The following PREP variants were observed in gnomAD, a reference collection of about 807,000 sequenced individuals.
PREP encodes the protein dJ355L5.1 (prolyl endopeptidase).
In PREP, 29 loss-of-function variants were observed where a neutral mutation model predicts 87.6. That is an observed-to-expected ratio of 0.33 (90% CI 0.25 to 0.45). The LOEUF (loss-of-function observed/expected upper bound fraction) is 0.45. Among genes scored for constraint, PREP ranks in the 20% least tolerant of loss-of-function variants. PREP has a pLI of 1.00. For missense variants in PREP, 695 were observed against 886.5 expected, an observed-to-expected ratio of 0.78 and a Z score of 2.74; for synonymous variants, 337 against 328.6, an observed-to-expected ratio of 1.03 and a Z score of -0.28.
intron 1 of PREP, among the ~76,000 whole-genome samples, chr6:105,402,596 AT>A (rs1773464439): frequency 6.6e-6 from 1 of 152,100 alleles, no homozygotes; most frequent in South Asian, 2.1e-4. Flanking sequence ...GACCCCATTG[AT>A]TCTAGGAAGC....
intron 14 of PREP, 23 bp downstream of exon 14, chr6:105,281,723 T>A: frequency 1.2e-6 from 2 of 1,609,908 alleles, no homozygotes; most frequent in Middle Eastern, 1.7e-4. Flanking sequence ...ACTAACAACA[T>A]ATATATGTCA....
rs920015389 is a variant in PREP at position 105,274,304 on chromosome 6, G to A, written c.*3840C>T. Among the ~76,000 whole-genome samples, 1 of 151,616 alleles carries A rather than the reference G, an allele frequency of 6.6e-6. No homozygotes were observed. The highest frequency in any genetic ancestry group is 2.4e-5 in the African/African-American group (1 of 41,208). On this transcript the variant is annotated 3_prime_UTR_variant, in exon 15 of 15. Coordinates refer to ENST00000652536, the MANE Select transcript of PREP (RefSeq NM_002726.5). ...ATGGTGGAAGGGATGGGGCGGGGGG[G>A]TCTCTCCTTGGGCTCTAATATAAAG... is the stretch of plus-strand genomic sequence containing the variant.
intron 2 of PREP, among the ~76,000 whole-genome samples, chr6:105,397,209 A>G (rs116516183): frequency 0.015 from 2,245 of 151,406 alleles, 65 homozygotes; most frequent in African/African-American, 0.052. Flanking sequence ...AAAAGTATAC[A>G]TAAGTGACAA....
intron 9 of PREP, among the ~76,000 whole-genome samples, chr6:105,325,738 T>C (rs538024611): frequency 6.8e-4 from 103 of 152,344 alleles, no homozygotes; most frequent in African/African-American, 2.5e-3. Context: ...CCCATCTGAT[T>C]TGGCTCAGAG....
chr6:105,383,523 A>T (rs1266156519), intron 2 of PREP, among the ~76,000 whole-genome samples: 1 of 152,208 alleles, frequency 6.6e-6, no homozygotes, highest in Non-Finnish European at 1.5e-5. Context: ...CAACTTTAAC[A>T]TAAAAAACCC....
At chr6:105,370,779 T>A (rs998687979) in intron 5 of PREP, among the ~76,000 whole-genome samples, 4 of 152,170 alleles carry the variant, frequency 2.6e-5, no homozygotes, top group Non-Finnish European at 5.9e-5. Context: ...AAAGGCTACA[T>A]ACTGTCTAAT....
intron 10 of PREP, among the ~76,000 whole-genome samples, chr6:105,299,691 A>G (rs759057788): frequency 7.2e-5 from 11 of 152,174 alleles, no homozygotes; most frequent in Non-Finnish European, 1.6e-4. Context: ...TTTTCCTACT[A>G]TATCACAAAG....
At chr6:105,343,281 ATT>A (rs1771709210) in intron 7 of PREP, among the ~76,000 whole-genome samples, 2 of 152,218 alleles carry the variant, frequency 1.3e-5, no homozygotes, top group East Asian at 1.9e-4. Flanking sequence ...TGGGGAAAGG[ATT>A]CCCTATTTAA....
intron 7 of PREP, among the ~76,000 whole-genome samples, chr6:105,352,635 T>A (rs1345376967): frequency 4.6e-5 from 7 of 152,208 alleles, no homozygotes; most frequent in African/African-American, 1.7e-4. Flanking sequence ...GCAGGTATGA[T>A]GCCACTATGC....
chr6:105,357,189 AC>A (rs963529630), intron 6 of PREP, among the ~76,000 whole-genome samples: 1 of 152,236 alleles, frequency 6.6e-6, no homozygotes, highest in African/African-American at 2.4e-5. Context: ...ATTGAAAGCA[AC>A]ATCATTAATA....
At chr6:105,379,611 T>C (rs2114716124) in intron 2 of PREP, among the ~76,000 whole-genome samples, 1 of 152,292 alleles carries the variant, frequency 6.6e-6, no homozygotes, top group South Asian at 2.1e-4. Context: ...GATGTGGAGA[T>C]GAAGCAGATC....
At chr6:105,342,599 G>A (rs1771688070) in intron 7 of PREP, among the ~76,000 whole-genome samples, 1 of 152,198 alleles carries the variant, frequency 6.6e-6, no homozygotes, top group African/African-American at 2.4e-5. Flanking sequence ...AAATATCCCT[G>A]TTTGCAGATG....
intron 12 of PREP, among the ~76,000 whole-genome samples, chr6:105,283,333 A>G (rs540105607): frequency 6.6e-6 from 1 of 152,272 alleles, no homozygotes; most frequent in Non-Finnish European, 1.5e-5. Context: ...TTACAGGGCC[A>G]TGAAATATCT....
At chr6:105,387,486 G>A (rs1773028693) in intron 2 of PREP, among the ~76,000 whole-genome samples, 1 of 152,066 alleles carries the variant, frequency 6.6e-6, no homozygotes, top group Admixed American at 6.6e-5. Context: ...AACCAATGGG[G>A]CTGGAGTCTT....
chr6:105,400,523 T>C (rs529068526), intron 1 of PREP, among the ~76,000 whole-genome samples: 1 of 152,284 alleles, frequency 6.6e-6, no homozygotes, highest in South Asian at 2.1e-4. Context: ...ATCAGGAATG[T>C]CCTTTGTCCC....
At chr6:105,356,357 C>T (rs1164494480) in intron 6 of PREP, among the ~76,000 whole-genome samples, 5 of 152,282 alleles carry the variant, frequency 3.3e-5, no homozygotes, top group South Asian at 2.1e-4. Flanking sequence ...AGAATGTGAA[C>T]GTCTCCCAGC....
At chr6:105,402,449 A>AACACAC (rs977162013) in intron 1 of PREP, among the ~76,000 whole-genome samples, 16 of 126,066 alleles carry the variant, frequency 1.3e-4, no homozygotes, top group African/African-American at 6.3e-4. Flanking sequence ...CACACACACA[A>AACACAC]ACACACACAC....
At chr6:105,342,607 A>G (rs1243294886) in intron 7 of PREP, among the ~76,000 whole-genome samples, 3 of 152,228 alleles carry the variant, frequency 2.0e-5, no homozygotes, top group Non-Finnish European at 4.4e-5. Flanking sequence ...CTGTTTGCAG[A>G]TGACACGATT....
rs187853868 is a variant in PREP, at chr6:105,275,490, C to G, written c.*2654G>C. 1.3e-5 allele frequency among the ~76,000 whole-genome samples: 2 copies of G among 152,280 alleles called. No homozygotes were observed. The highest frequency in any genetic ancestry group is 1.3e-4 in the Admixed American group (2 of 15,296). On this transcript the variant is annotated 3_prime_UTR_variant, in exon 15 of 15. Transcript: ENST00000652536. ...GCCTTGTGACAAAGCAGTGAGGCCA[C>G]CTGTGCAACATGTACAACTTTTTCT...
Sources: allele counts gnomAD v4.1 joint callset (sites outside exome capture counted in the v4.1 genomes callset), GRCh38; gene constraint gnomAD v4.1.1; transcripts MANE v1.5; gene names NCBI Gene and HGNC (gene_info 2026-07-23, HGNC 2026-07-21).